NEDD4L: variants seen among roughly 807,000 people sequenced by gnomAD.
The protein encoded by NEDD4L is E3 ubiquitin-protein ligase NEDD4-like.
NEDD4L carries 54 observed loss-of-function variants against 148.9 expected under a neutral mutation model. The observed-to-expected ratio is 0.36, with a 90% CI of 0.29 to 0.45. NEDD4L has a LOEUF of 0.45. Among genes scored for constraint, NEDD4L ranks in the 20% least tolerant of loss-of-function variants. NEDD4L has a pLI of 1.00. For synonymous variants in NEDD4L, 433 were observed against 440.7 expected, an observed-to-expected ratio of 0.98 and a Z score of 0.22; for missense variants, 856 against 1,233.8, an observed-to-expected ratio of 0.69 and a Z score of 4.59.
At chr18:58,296,573 T>C (rs1379348473) in intron 5 of NEDD4L, among the ~76,000 whole-genome samples, 1 of 152,176 alleles carries the variant, frequency 6.6e-6, no homozygotes, top group Non-Finnish European at 1.5e-5. Context: ...CCTCTGCCGC[T>C]GGGGCTGCCT....
chr18:58,213,469 A>G (rs946602469), intron 2 of NEDD4L, among the ~76,000 whole-genome samples: 1 of 152,246 alleles, frequency 6.6e-6, no homozygotes, highest in Admixed American at 6.5e-5. Context: ...AGAAAAATGT[A>G]TAATATCCAG....
Position 58,329,115 on chromosome 18 carries a change from GGATGTCCCCGAGGTAC to G in NEDD4L, c.811_813+13del. 4 of 1,613,876 alleles carry G rather than the reference GGATGTCCCCGAGGTAC, an allele frequency of 2.5e-6. No homozygotes were observed. The highest frequency in any genetic ancestry group is 3.4e-6 in the Non-Finnish European group (4 of 1,179,848). ...TGGAGCCCGAGCCCTCGGAGGGCGG[GGATGTCCCCGAGGTAC>G]GATGTCCCCAGAATGGTGCAAAGCC... On this transcript the variant is annotated splice_donor_variant and splice_donor_region_variant and coding_sequence_variant and intron_variant, in exon 10 of 31. Coordinates refer to ENST00000400345, the MANE Select transcript of NEDD4L (RefSeq NM_001144967.3). LOFTEE classifies it high-confidence loss of function.
chr18:58,363,159 T>G (rs1443274088), intron 19 of NEDD4L, among the ~76,000 whole-genome samples: 1 of 144,964 alleles, frequency 6.9e-6, no homozygotes, highest in Non-Finnish European at 1.5e-5. Flanking sequence ...GGAAGAGTGG[T>G]TGTTTGTTTT....
intron 5 of NEDD4L, among the ~76,000 whole-genome samples, chr18:58,311,835 C>G (rs150067118): frequency 0.012 from 1,821 of 152,312 alleles, 41 homozygotes; most frequent in African/African-American, 0.041. Flanking sequence ...AGTGTGCACT[C>G]CCATCTGGGG....
chr18:58,392,153 T>C (rs1044302186), intron 30 of NEDD4L, among the ~76,000 whole-genome samples: 1 of 152,226 alleles, frequency 6.6e-6, no homozygotes, highest in Non-Finnish European at 1.5e-5. Context: ...AACAGTTGCA[T>C]GAAACCCAGC....
At chr18:58,321,755 T>C (rs999387162) in intron 6 of NEDD4L, among the ~76,000 whole-genome samples, 2 of 152,228 alleles carry the variant, frequency 1.3e-5, no homozygotes, top group Non-Finnish European at 2.9e-5. Flanking sequence ...ACTGAATATA[T>C]AGTATTTAAA....
At chr18:58,361,600 G>A (rs1467655661) in intron 19 of NEDD4L, among the ~76,000 whole-genome samples, 1 of 152,184 alleles carries the variant, frequency 6.6e-6, no homozygotes, top group Non-Finnish European at 1.5e-5. Flanking sequence ...AGCCCCAGAT[G>A]CGCTGGTGTC....
Position 58,323,295 on chromosome 18 carries a change from T to G in NEDD4L, c.474T>G (p.Gly158=). The part of the protein sequence containing the change: ...LKMAYMPKNG[G]QDEENSDQRD... Reference sequence around the variant, plus strand: ...TGGCCTATATGCCAAAAAATGGAGGTCAAGATGAAGAAAACAGTGACCAGA... The same window carrying G: ...TGGCCTATATGCCAAAAAATGGAGGGCAAGATGAAGAAAACAGTGACCAGA... Residue 158 remains glycine, a synonymous_variant, in exon 8 of 31, where the codon GGT becomes GGG. Coordinates refer to ENST00000400345, the MANE Select transcript of NEDD4L (RefSeq NM_001144967.3). 1 of 1,601,530 alleles carries G rather than the reference T, an allele frequency of 6.2e-7. No homozygotes were observed. Among genetic ancestry groups the G allele is most frequent in the African/African-American group, 1.3e-5 (1 of 74,748 alleles).
At chr18:58,124,154 C>T (rs2030568906) in intron 1 of NEDD4L, among the ~76,000 whole-genome samples, 1 of 152,136 alleles carries the variant, frequency 6.6e-6, no homozygotes, top group Admixed American at 6.6e-5. Context: ...GTGTCCATTC[C>T]TTCTCCAATG....
At chr18:58,204,519 T>C (rs529698837) in intron 2 of NEDD4L, among the ~76,000 whole-genome samples, 1 of 152,340 alleles carries the variant, frequency 6.6e-6, no homozygotes, top group African/African-American at 2.4e-5. Context: ...TTCAAGATGC[T>C]TACAGTCTAA....
At chr18:58,174,153 G>T (rs1318416813) in intron 2 of NEDD4L, among the ~76,000 whole-genome samples, 1 of 151,996 alleles carries the variant, frequency 6.6e-6, no homozygotes, top group Non-Finnish European at 1.5e-5. Flanking sequence ...GAATTTTACT[G>T]AGCAATGGAA....
chr18:58,282,861 G>A (rs562662503), intron 5 of NEDD4L, among the ~76,000 whole-genome samples: 21 of 152,080 alleles, frequency 1.4e-4, no homozygotes, highest in African/African-American at 1.9e-4. Context: ...ATCATGCTGC[G>A]TAACAAACCA....
intron 5 of NEDD4L, chr18:58,255,470 C>A: frequency 8.2e-7 from 1 of 1,223,994 alleles, no homozygotes; most frequent in Non-Finnish European, 1.0e-6. Context: ...GCCTGGAATG[C>A]CGCTTGCCAC....
At chr18:58,250,119 T>C (rs190655064) in intron 4 of NEDD4L, among the ~76,000 whole-genome samples, 6 of 152,302 alleles carry the variant, frequency 3.9e-5, no homozygotes, top group Non-Finnish European at 5.9e-5. Flanking sequence ...TTTTTGTTAG[T>C]TTTTCTGAAG....
chr18:58,219,985 G>T (rs1013660998), intron 2 of NEDD4L, among the ~76,000 whole-genome samples: 2 of 152,158 alleles, frequency 1.3e-5, no homozygotes, highest in Non-Finnish European at 2.9e-5. Flanking sequence ...TGGAAACATT[G>T]TAGCTTAATT....
chr18:58,156,597 C>G (rs1313239976), intron 1 of NEDD4L, among the ~76,000 whole-genome samples: 3 of 152,180 alleles, frequency 2.0e-5, no homozygotes, highest in South Asian at 4.2e-4. Flanking sequence ...TATCCTACCC[C>G]CCACCGCCTC....
At chr18:58,217,226 A>C (rs1424460232) in intron 2 of NEDD4L, among the ~76,000 whole-genome samples, 1 of 152,222 alleles carries the variant, frequency 6.6e-6, no homozygotes, top group Non-Finnish European at 1.5e-5. Context: ...AGGAAATTCA[A>C]GCCTATGTTG....
chr18:58,091,068 T>C (rs1228139069), intron 1 of NEDD4L: 2 of 152,214 alleles, frequency 1.3e-5, no homozygotes, highest in African/African-American at 2.4e-5. Context: ...CTTCCTTAAT[T>C]TGAGGTGAAA....
At position 58,396,224 on chromosome 18, in the gene NEDD4L, T is replaced by C; in HGVS notation, c.2883T>C (p.Leu961=). The change falls in exon 31 of 31, where the codon CTT becomes CTC. Residue 961 remains leucine (L), a synonymous_variant. Transcript: ENST00000400345. ...YETFEDLREK[L]LMAVENAQGF... ...CCTTTGAAGATTTACGAGAGAAACTTCTCATGGCCGTGGAAAATGCTCAAG... is the reference window on the plus strand; with the variant it reads ...CCTTTGAAGATTTACGAGAGAAACTCCTCATGGCCGTGGAAAATGCTCAAG... 1 of 1,613,670 alleles carries C rather than the reference T, an allele frequency of 6.2e-7. No individual in the cohort carries two copies. Among genetic ancestry groups the C allele is most frequent in the Admixed American group, 1.7e-5 (1 of 60,006 alleles).
Sources: allele counts gnomAD v4.1 joint callset (sites outside exome capture counted in the v4.1 genomes callset), GRCh38; gene constraint gnomAD v4.1.1; transcripts MANE v1.5; gene names NCBI Gene and HGNC (gene_info 2026-07-23, HGNC 2026-07-21).